Variants in TTC23L observed in about 807,000 individuals in gnomAD.
TTC23L encodes tetratricopeptide repeat domain 23 like.
TTC23L carries 42 observed loss-of-function variants against 48.1 expected under a neutral mutation model. The ratio of observed to expected loss-of-function variants is 0.87; its 90% CI spans 0.68 to 1.13. The LOEUF is 1.13. TTC23L is among the 50% of genes most tolerant of loss of function. The pLI is 0.00. For missense variants in TTC23L, 391 were observed against 421.0 expected (o/e 0.93, Z 0.62); for synonymous variants, 159 against 157.2 (o/e 1.01, Z -0.09).
chr5:34,839,945 TCGCCCAGGCTGGAGTGCAGTGGCG>T (rs1028440961), intron 1 of TTC23L, among the ~76,000 whole-genome samples: 15 of 152,368 alleles, frequency 9.8e-5, no homozygotes, highest in Admixed American at 4.6e-4. Flanking sequence ...TCTCGCTCTG[TCGCCCAGGCTGGAGTGCAGTGGCG>T]CGATCTCCGC....
At chr5:34,841,026 A>G (rs1238136488) in intron 2 of TTC23L, among the ~76,000 whole-genome samples, 2 of 152,112 alleles carry the variant, frequency 1.3e-5, no homozygotes, top group African/African-American at 2.4e-5. Context: ...AGTCTGGGCA[A>G]TAGAGACCCT....
chr5:34,858,965 G>C (rs1309299144), intron 4 of TTC23L, among the ~76,000 whole-genome samples: 1 of 152,232 alleles, frequency 6.6e-6, no homozygotes, highest in East Asian at 1.9e-4. Flanking sequence ...CTGCTGAGCA[G>C]AGAGGAAAAG....
the TTC23L span, among the ~76,000 whole-genome samples, chr5:34,910,416 T>C: frequency 6.6e-6 from 1 of 151,736 alleles, no homozygotes; most frequent in African/African-American, 2.4e-5. Context: ...CAAGGGCCTG[T>C]GATTCTTTTT....
intron 9 of TTC23L, among the ~76,000 whole-genome samples, chr5:34,884,034 G>A (rs1012071147): frequency 1.3e-5 from 2 of 152,094 alleles, no homozygotes; most frequent in African/African-American, 2.4e-5. Flanking sequence ...AAATTTAACA[G>A]CACATTAAAA....
the TTC23L span, among the ~76,000 whole-genome samples, chr5:34,917,247 G>C: frequency 6.6e-6 from 1 of 152,220 alleles, no homozygotes; most frequent in African/African-American, 2.4e-5. Context: ...TAATGATGTA[G>C]ACGTGAAAAT....
In TTC23L at chr5:34,894,914, ATGT is replaced by A. The variant is rs969100157; in HGVS notation, c.1078-1854_1078-1852del. ...GATGATGATGATGATGATGATGATG[ATGT>A]TAATGGTGATGATGAAGATGACAAT... On this transcript the variant is annotated intron_variant, in intron 9 of 10. Transcript: ENST00000505624. Among the ~76,000 whole-genome samples, 73 of 150,458 alleles carry A rather than the reference ATGT, an allele frequency of 4.9e-4. No individual in the cohort carries two copies. The East Asian group carries it at 9.3e-3, about 19-fold the overall frequency.
chr5:34,913,282 C>G, the TTC23L span, among the ~76,000 whole-genome samples: 1 of 152,044 alleles, frequency 6.6e-6, no homozygotes, highest in Non-Finnish European at 1.5e-5. Context: ...AATACTTTTA[C>G]AAATATGAAA....
At chr5:34,879,726 G>C (rs1188053471) in intron 8 of TTC23L, among the ~76,000 whole-genome samples, 1 of 151,912 alleles carries the variant, frequency 6.6e-6, no homozygotes, top group Non-Finnish European at 1.5e-5. Flanking sequence ...GGCTCGGTGC[G>C]GTGGCTCATG....
chr5:34,877,089 C>T (rs1454226979), intron 8 of TTC23L, among the ~76,000 whole-genome samples: 2 of 152,084 alleles, frequency 1.3e-5, no homozygotes, highest in South Asian at 2.1e-4. Context: ...AAGTTGAATC[C>T]ATCAATGTAC....
chr5:34,924,868 C>T, the TTC23L span: 2 of 1,606,242 alleles, frequency 1.2e-6, no homozygotes, highest in South Asian at 2.2e-5. Flanking sequence ...AGATGCTGCT[C>T]TTGTAGAAAT....
the TTC23L span, chr5:34,923,189 T>A: frequency 6.2e-7 from 1 of 1,614,204 alleles, no homozygotes; most frequent in Admixed American, 1.7e-5. Flanking sequence ...ACCACGTGTT[T>A]ACTTTCACCA....
chr5:34,922,895 A>G, the TTC23L span: 1 of 1,213,418 alleles, frequency 8.2e-7, no homozygotes, highest in African/African-American at 1.5e-5. Flanking sequence ...CAATTCTTTC[A>G]GGTACATTTA....
intron 4 of TTC23L, among the ~76,000 whole-genome samples, chr5:34,854,734 A>G (rs1286102427): frequency 6.6e-6 from 1 of 152,176 alleles, no homozygotes; most frequent in Non-Finnish European, 1.5e-5. Context: ...CTCTCAATAA[A>G]CAGTCATTCA....
exon 9 of TTC23L, chr5:34,880,259 G>A (rs1762133697): frequency 6.2e-7 from 1 of 1,613,468 alleles, no homozygotes; most frequent in African/African-American, 1.3e-5. Flanking sequence ...GAAACACTGA[G>A]CACCACTGAA....
chr5:34,882,662 A>G (rs1332356918), intron 9 of TTC23L, among the ~76,000 whole-genome samples: 1 of 99,688 alleles, frequency 1.0e-5, no homozygotes, highest in East Asian at 2.9e-4. Flanking sequence ...CACACACAAT[A>G]TCTTTTGATA....
At chr5:34,925,434 A>G in the TTC23L span, 1 of 1,613,982 alleles carries the variant, frequency 6.2e-7, no homozygotes, top group African/African-American at 1.3e-5. Flanking sequence ...GCAAGAAAGA[A>G]ACGGATTTAC....
chr5:34,874,544 A>G (rs1761691212), intron 8 of TTC23L, among the ~76,000 whole-genome samples: 1 of 152,076 alleles, frequency 6.6e-6, no homozygotes. Context: ...AGAAACTGGA[A>G]TATATGAAAT....
intron 6 of TTC23L, among the ~76,000 whole-genome samples, 199 bp downstream of exon 6, chr5:34,864,761 G>T (rs534169677): frequency 6.6e-6 from 1 of 152,302 alleles, no homozygotes; most frequent in East Asian, 1.9e-4. Context: ...GAGGTAGTTG[G>T]TATGATTATT....
chr5:34,909,459 A>G, the TTC23L span: 2 of 734,782 alleles, frequency 2.7e-6, no homozygotes, highest in Non-Finnish European at 2.3e-6. Context: ...CTAGTGGGTG[A>G]AACAGACATG....
Sources: gnomAD v4.1 joint callset for allele counts (sites outside exome capture counted in the v4.1 genomes callset) on GRCh38, gnomAD v4.1.1 for gene constraint, MANE v1.5 for transcripts, NCBI Gene and HGNC (gene_info 2026-07-23, HGNC 2026-07-21) for gene names.